RASGRF2: variants seen among roughly 807,000 people sequenced by gnomAD.
RASGRF2 encodes ras-specific guanine nucleotide-releasing factor 2.
Under a neutral mutation model 151.0 loss-of-function variants are expected in RASGRF2, and 76 were observed. The observed-to-expected ratio is 0.50, with a 90% CI of 0.42 to 0.61. The LOEUF is 0.61. Ranked by LOEUF, RASGRF2 falls within the 20% of genes least tolerant of loss-of-function variation. The pLI is 0.00. For missense variants in RASGRF2, 1,148 were observed against 1,564.6 expected (o/e 0.73, Z 4.49); for synonymous variants, 504 against 566.5 (o/e 0.89, Z 1.57).
chr5:81,167,134 C>T (rs1213029486), intron 17 of RASGRF2, among the ~76,000 whole-genome samples: 1 of 152,198 alleles, frequency 6.6e-6, no homozygotes, highest in Admixed American at 6.5e-5. Context: ...TGTTACATTG[C>T]CCTCCATGGG....
intron 2 of RASGRF2, among the ~76,000 whole-genome samples, chr5:81,056,769 C>T (rs1361528698): frequency 2.0e-5 from 3 of 152,248 alleles, no homozygotes; most frequent in South Asian, 2.1e-4. Flanking sequence ...GTCTGAGTCT[C>T]TTTGTAGGTC....
chr5:81,207,381 G>C (rs367922404), intron 21 of RASGRF2, 32 bp downstream of exon 21: 1 of 1,546,420 alleles, frequency 6.5e-7, no homozygotes, highest in Non-Finnish European at 8.9e-7. Context: ...AGCAGGGCTC[G>C]GCTGCTCTAG....
At chr5:81,151,272 A>T (rs962481617) in intron 17 of RASGRF2, among the ~76,000 whole-genome samples, 1 of 152,114 alleles carries the variant, frequency 6.6e-6, no homozygotes, top group African/African-American at 2.4e-5. Context: ...CATCATTTTA[A>T]AAAGGTCTTG....
At chr5:81,220,778 T>C (rs931920771) in intron 26 of RASGRF2, among the ~76,000 whole-genome samples, 3 of 152,190 alleles carry the variant, frequency 2.0e-5, no homozygotes, top group Non-Finnish European at 4.4e-5. Context: ...AATACCTTAT[T>C]ATTAACTGAA....
At chr5:80,968,074 T>G (rs1249795210) in intron 1 of RASGRF2, among the ~76,000 whole-genome samples, 1 of 152,244 alleles carries the variant, frequency 6.6e-6, no homozygotes, top group Non-Finnish European at 1.5e-5. Context: ...ACCTGCTCCA[T>G]CAGGTTGTTG....
intron 1 of RASGRF2, among the ~76,000 whole-genome samples, chr5:81,015,403 C>A (rs576131907): frequency 2.3e-4 from 35 of 151,928 alleles, no homozygotes; most frequent in African/African-American, 7.7e-4. Context: ...AATTAAAAAA[C>A]CAATAATAAA....
chr5:81,183,051 G>A, intron 18 of RASGRF2: 1 of 399,570 alleles, frequency 2.5e-6, no homozygotes, highest in Non-Finnish European at 3.4e-6. Context: ...GAAGAATATA[G>A]CATTATTGTG....
intron 17 of RASGRF2, among the ~76,000 whole-genome samples, chr5:81,173,670 G>A (rs1475993814): frequency 1.3e-5 from 2 of 152,188 alleles, no homozygotes; most frequent in African/African-American, 4.8e-5. Flanking sequence ...CTAGGAAAAT[G>A]TTCTAGATTG....
At chr5:81,181,781 ATCT>A (rs1360042149) in intron 18 of RASGRF2, among the ~76,000 whole-genome samples, 1 of 151,608 alleles carries the variant, frequency 6.6e-6, no homozygotes, top group Non-Finnish European at 1.5e-5. Flanking sequence ...TCCCTTCCAA[ATCT>A]TCTCCCCAGA....
intron 7 of RASGRF2, 137 bp from the exon 8 acceptor site, chr5:81,085,664 TC>T: frequency 7.4e-7 from 1 of 1,355,398 alleles, no homozygotes; most frequent in Non-Finnish European, 9.7e-7. Flanking sequence ...TATTTGTATT[TC>T]TTTTTTAAAA....
chr5:80,966,109 A>G (rs200211069), intron 1 of RASGRF2, among the ~76,000 whole-genome samples: 164 of 126,474 alleles, frequency 1.3e-3, no homozygotes, highest in Admixed American at 2.5e-3. Flanking sequence ...GTGTGTGTGT[A>G]TGTGTGTGTG....
At position 81,180,173 on chromosome 5, in the gene RASGRF2, A is replaced by C; in HGVS notation, c.2687-2A>C. ...CACGTGTGTGTTTCTTTTTCTCCTA[A>C]GGCTTTAACAACACCGAGAGAACAT... On this transcript the variant is annotated splice_acceptor_variant, in intron 17 of 26. Coordinates refer to ENST00000265080, the MANE Select transcript of RASGRF2 (RefSeq NM_006909.3). LOFTEE classifies it high-confidence loss of function. 3 of 1,581,140 alleles carry C rather than the reference A, an allele frequency of 1.9e-6. No individual in the cohort carries two copies. Among genetic ancestry groups the C allele is most frequent in the Non-Finnish European group, 2.6e-6 (3 of 1,150,416 alleles).
At chr5:81,103,910 A>G (rs1263973256) in intron 12 of RASGRF2, among the ~76,000 whole-genome samples, 1 of 152,182 alleles carries the variant, frequency 6.6e-6, no homozygotes, top group Non-Finnish European at 1.5e-5. Flanking sequence ...CGAACTATGC[A>G]TATAAATATG....
At position 80,962,181 on chromosome 5, in the gene RASGRF2, A is replaced by G. The variant is rs532193513; in HGVS notation, c.288+1155A>G. On this transcript the variant is annotated intron_variant, in intron 1 of 26. Coordinates refer to ENST00000265080, the MANE Select transcript of RASGRF2 (RefSeq NM_006909.3). ...ACCGGAAGTTTGAGTTGTTTTCACT[A>G]TAAATCATTAACAGACTTAAGTGAT... Among the ~76,000 whole-genome samples the G allele has an allele frequency of 2.0e-5, 3 of 152,356 alleles. No homozygotes were observed. The South Asian group carries it at 6.2e-4, about 32-fold the overall frequency.
chr5:81,227,018 T>C lies in RASGRF2; in HGVS notation c.*1248T>C, dbSNP rs954448859. On this transcript the variant is annotated 3_prime_UTR_variant, in exon 27 of 27. Transcript: ENST00000265080. ...TTGTTGAAGAAATAGGGCTATCTCA[T>C]TGTTTACCTCCCTCTTCTCTTCTCA... 1 of 152,218 alleles carries C rather than the reference T, an allele frequency of 6.6e-6. No individual in the cohort carries two copies. The highest frequency in any genetic ancestry group is 2.4e-5 in the African/African-American group (1 of 41,466). The allele number at this position is 152,218 out of a possible 1,614,324, so 9.4% of individuals were successfully genotyped here.
At chr5:81,042,252 C>G (rs1750700068) in intron 1 of RASGRF2, among the ~76,000 whole-genome samples, 1 of 152,188 alleles carries the variant, frequency 6.6e-6, no homozygotes, top group South Asian at 2.1e-4. Context: ...AAATCCTGAT[C>G]ACATCTTGAC....
chr5:81,126,952 G>A, intron 16 of RASGRF2, 122 bp from the exon 17 acceptor site: 1 of 1,006,866 alleles, frequency 9.9e-7, no homozygotes, highest in East Asian at 2.6e-5. Context: ...CCCATTAACA[G>A]AGATAATACA....
At chr5:80,961,142 A>C in intron 1 of RASGRF2, 116 bp downstream of exon 1, 3 of 1,193,780 alleles carry the variant, frequency 2.5e-6, no homozygotes, top group Non-Finnish European at 2.2e-6. Flanking sequence ...TATGCTCCGA[A>C]ATCCCCCCGC....
intron 5 of RASGRF2, among the ~76,000 whole-genome samples, chr5:81,075,318 G>T (rs1249351460): frequency 2.6e-5 from 4 of 152,202 alleles, no homozygotes; most frequent in Non-Finnish European, 5.9e-5. Context: ...GTGAAAACAT[G>T]TTGCAAGGGT....
Sources: gnomAD v4.1 joint callset for allele counts (sites outside exome capture counted in the v4.1 genomes callset) on GRCh38, gnomAD v4.1.1 for gene constraint, MANE v1.5 for transcripts, NCBI Gene and HGNC (gene_info 2026-07-23, HGNC 2026-07-21) for gene names.